SLC24A1: variants seen among roughly 807,000 people sequenced by gnomAD.
SLC24A1 encodes sodium/potassium/calcium exchanger 1.
Under a neutral mutation model 88.1 loss-of-function variants are expected in SLC24A1, and 52 were observed. That is an observed-to-expected ratio of 0.59 (90% confidence interval 0.47 to 0.74). The LOEUF (loss-of-function observed/expected upper bound fraction) is 0.74. SLC24A1 is among the 30% of genes least tolerant of loss of function. SLC24A1 has a pLI of 0.00. For missense variants in SLC24A1, 1,173 were observed against 1,363.3 expected, an observed-to-expected ratio of 0.86 and a Z score of 2.20; for synonymous variants, 455 against 498.0, an observed-to-expected ratio of 0.91 and a Z score of 1.15.
At chr15:65,649,663 CTATTAT>C (rs143892648) in intron 6 of SLC24A1, among the ~76,000 whole-genome samples, 1,873 of 152,268 alleles carry the variant, frequency 0.012, 40 homozygotes, top group African/African-American at 0.043. Context: ...TAAGTGCTAG[CTATTAT>C]TATTAAACTA....
chr15:65,641,094 G>A lies in SLC24A1; in HGVS notation c.2053+1391G>A, dbSNP rs549227553. Among the ~76,000 whole-genome samples, 12 of 152,120 alleles carry A rather than the reference G, an allele frequency of 7.9e-5. No homozygotes were observed. The South Asian group carries it at 2.5e-3, about 32-fold the overall frequency. On this transcript the variant is annotated intron_variant, in intron 4 of 9. Transcript: ENST00000261892. ...AAATAAATAAATAATTTTTAAAAAG[G>A]CTGGACACAGTGGCTCACGCCTGTA...
At chr15:65,632,484 T>C (rs534736620) in intron 2 of SLC24A1, among the ~76,000 whole-genome samples, 43 of 152,074 alleles carry the variant, frequency 2.8e-4, no homozygotes, top group African/African-American at 9.6e-4. Context: ...AGTGGGTGTA[T>C]CTGGGAGGCA....
chr15:65,638,128 C>T lies in SLC24A1; in HGVS notation c.1891C>T (p.Pro631Ser). 6.2e-7 allele frequency: 1 copy of T among 1,608,062 alleles called. No individual in the cohort carries two copies. The highest frequency in any genetic ancestry group is 8.5e-7 in the Non-Finnish European group (1 of 1,176,710). Residue 631 changes from proline (P) to serine (S), a missense_variant and splice_region_variant, in exon 3 of 10, where the codon CCG becomes TCG. Coordinates refer to ENST00000261892, the MANE Select transcript of SLC24A1 (RefSeq NM_004727.3). The part of the protein sequence containing the change: ...KVMALEDLSK[P>S]GDGAIAVDEL... The stretch of plus-strand genomic sequence containing the variant: ...TCGTGACTCCTCTCCCTGTTTGCAG[C>T]CGGGCGATGGGGCCATTGCGGTGGA...
chr15:65,654,025 G>A lies in SLC24A1; in HGVS notation c.3246G>A (p.Leu1082=), dbSNP rs2075596827. The change falls in exon 10 of 10, where the codon CTG becomes CTA. Residue 1082 remains leucine, a synonymous_variant. Transcript: ENST00000261892. The stretch of plus-strand genomic sequence containing the variant: ...TGTTCCTCCTTTACTTTGTATTCCT[G>A]ATAATCAGTGTGATGTTAGAAGATC... ...FTMFLLYFVF[L]IISVMLEDRI... 6.2e-7 allele frequency: 1 copy of A among 1,613,882 alleles called. No homozygotes were observed. The highest frequency in any genetic ancestry group is 8.5e-7 in the Non-Finnish European group (1 of 1,179,774).
chr15:65,627,477 C>G (rs1326120148), intron 2 of SLC24A1, among the ~76,000 whole-genome samples: 1 of 152,346 alleles, frequency 6.6e-6, no homozygotes, highest in Middle Eastern at 3.4e-3. Flanking sequence ...AGAACTGGAA[C>G]AGGAACCCAG....
rs75137628 is a variant in SLC24A1, at chr15:65,654,707, CTTT to C, written c.*641_*643del. The stretch of plus-strand genomic sequence containing the variant: ...GCATCTGGATATATACCAGTATTTT[CTTT>C]TTTTTTTTTTTTGAGACAGAGTTTG... On this transcript the variant is annotated 3_prime_UTR_variant, in exon 10 of 10. Transcript: ENST00000261892. 1.0e-3 allele frequency: 1,157 copies of C among 1,106,140 alleles called. No homozygotes were observed. The highest frequency in any genetic ancestry group is 2.5e-3 in the East Asian group (39 of 15,874). 68.5% of individuals were successfully genotyped at this position (1,106,140 alleles called of 1,614,324 possible).
intron 2 of SLC24A1, among the ~76,000 whole-genome samples, chr15:65,629,518 A>G (rs1305855614): frequency 6.6e-6 from 1 of 152,250 alleles, no homozygotes; most frequent in African/African-American, 2.4e-5. Flanking sequence ...ATAGTTATCA[A>G]CACAGTCTAA....
At chr15:65,649,135 G>A (rs1490576328) in intron 6 of SLC24A1, among the ~76,000 whole-genome samples, 1 of 151,988 alleles carries the variant, frequency 6.6e-6, no homozygotes, top group Non-Finnish European at 1.5e-5. Context: ...ACAGAGTCTT[G>A]CTCTGTCACC....
In SLC24A1 at chr15:65,650,462, G is replaced by T; in HGVS notation, c.2313G>T (p.Glu771Asp). The T allele has an allele frequency of 6.4e-7, 1 of 1,551,694 alleles. No individual in the cohort carries two copies. Among genetic ancestry groups the T allele is most frequent in the Non-Finnish European group, 8.7e-7 (1 of 1,146,966 alleles). ...GETAGEGETE[E>D]KSGGETQPEG... ...CTGCTGGTGAAGGTGAAACTGAAGA[G>T]AAAAGTGGAGGTGAAACTCAACCAG... Residue 771 changes from glutamate (E) to aspartate (D), a missense_variant, in exon 7 of 10, where the codon GAG (glutamate) becomes GAT (aspartate). Transcript: ENST00000261892. The surrounding 1 kb of genome is among the most constrained non-coding windows in gnomAD (Gnocchi z 4.1).
intron 9 of SLC24A1, among the ~76,000 whole-genome samples, chr15:65,653,112 A>G (rs200339227): frequency 6.6e-6 from 1 of 152,152 alleles, no homozygotes; most frequent in Non-Finnish European, 1.5e-5. Flanking sequence ...AAGGCGGTGG[A>G]GGTAGGATTG....
chr15:65,636,894 A>G (rs1304776474), intron 2 of SLC24A1, among the ~76,000 whole-genome samples: 1 of 150,702 alleles, frequency 6.6e-6, no homozygotes, highest in African/African-American at 2.4e-5. Context: ...TAATAATAAT[A>G]GTAATCCCAA....
chr15:65,630,240 T>C (rs934425947), intron 2 of SLC24A1, among the ~76,000 whole-genome samples: 1 of 152,224 alleles, frequency 6.6e-6, no homozygotes, highest in African/African-American at 2.4e-5. Context: ...TCCTCTCACC[T>C]TGACCTCCCA....
intron 4 of SLC24A1, 97 bp from the exon 5 acceptor site, chr15:65,644,330 T>C: frequency 4.8e-6 from 4 of 826,770 alleles, no homozygotes; most frequent in Non-Finnish European, 8.2e-6. Flanking sequence ...ACTCTGCAGC[T>C]GCCCTCTGGC....
chr15:65,615,983 G>T (rs1047645977), intron 2 of SLC24A1, among the ~76,000 whole-genome samples: 3 of 149,930 alleles, frequency 2.0e-5, no homozygotes, highest in Non-Finnish European at 4.4e-5. Flanking sequence ...GCAGTGTTTG[G>T]TTTTCTGTCC....
At chr15:65,618,078 C>T (rs2074206516), upstream of SLC24A1, among the ~76,000 whole-genome samples, 1 of 152,176 alleles carries the variant, frequency 6.6e-6, no homozygotes, top group South Asian at 2.1e-4. Context: ...ATACATATCT[C>T]CCTGCCTCAA....
At chr15:65,660,254 T>A, downstream of SLC24A1, 44 of 1,530,712 alleles carry the variant, frequency 2.9e-5, no homozygotes, top group Non-Finnish European at 3.9e-5. Flanking sequence ...TTTTACATTT[T>A]TAAACTCTCT....
chr15:65,611,586 C>A (rs1298298661), exon 1 of SLC24A1: 2 of 224,450 alleles, frequency 8.9e-6, no homozygotes, highest in East Asian at 2.2e-4. Flanking sequence ...CTCTTTAGCC[C>A]CCTCTCTCGT....
At chr15:65,627,776 A>C (rs2074570514) in intron 2 of SLC24A1, among the ~76,000 whole-genome samples, 1 of 152,222 alleles carries the variant, frequency 6.6e-6, no homozygotes, top group South Asian at 2.1e-4. Flanking sequence ...TTCTGCTTTT[A>C]TTTAGACTCT....
rs547176540 is a variant in SLC24A1 at position 65,643,416 on chromosome 15, G to A, written c.2054-1011G>A. Reference sequence around the variant, plus strand: ...TTGCCTTTTTAGAGAGGATGCTGAGGCTTAGTGCCGGCACACAGGCTTCCC... The same window carrying A: ...TTGCCTTTTTAGAGAGGATGCTGAGACTTAGTGCCGGCACACAGGCTTCCC... On this transcript the variant is annotated intron_variant, in intron 4 of 9. Transcript: ENST00000261892. Among the ~76,000 whole-genome samples the A allele has an allele frequency of 3.9e-5, 6 of 152,268 alleles. No homozygotes were observed. In the South Asian group the frequency reaches 1.2e-3, roughly 32 times the overall value.
Sources: gnomAD v4.1 joint callset for allele counts (sites outside exome capture counted in the v4.1 genomes callset) on GRCh38, gnomAD v4.1.1 for gene constraint, Gnocchi (gnomAD v3.1) non-coding constraint, MANE v1.5 for transcripts, NCBI Gene and HGNC (gene_info 2026-07-23, HGNC 2026-07-21) for gene names.